The following PRKAR2A variants were observed in gnomAD, a reference collection of about 807,000 sequenced individuals.
PRKAR2A encodes cAMP-dependent protein kinase type II-alpha regulatory subunit.
In PRKAR2A, 29 loss-of-function variants were observed where a neutral mutation model predicts 51.9. The ratio of observed to expected loss-of-function variants is 0.56; its 90% CI spans 0.42 to 0.76. The LOEUF is 0.76. Among genes scored for constraint, PRKAR2A ranks in the 30% least tolerant of loss-of-function variants. The pLI, the probability that PRKAR2A is intolerant of heterozygous loss-of-function variation, is 0.00. For missense variants in PRKAR2A, 445 were observed against 512.1 expected, an observed-to-expected ratio of 0.87 and a Z score of 1.26; for synonymous variants, 178 against 186.2, an observed-to-expected ratio of 0.96 and a Z score of 0.36.
chr3:48,800,003 G>A (rs1015150215), intron 2 of PRKAR2A, among the ~76,000 whole-genome samples: 3 of 151,772 alleles, frequency 2.0e-5, no homozygotes. Context: ...GGGATTACAG[G>A]CACCTGCCAC....
At position 48,751,174 on chromosome 3, in the gene PRKAR2A, G is replaced by C; in HGVS notation, c.*411C>G. ...ACATTTCCTCCTTTGAGAACCATTAGAGAGTGTCTACAGTTATACAACAGG... is the reference window on the plus strand; with the variant it reads ...ACATTTCCTCCTTTGAGAACCATTACAGAGTGTCTACAGTTATACAACAGG... On this transcript the variant is annotated 3_prime_UTR_variant, in exon 11 of 11. Coordinates refer to ENST00000265563, the MANE Select transcript of PRKAR2A (RefSeq NM_004157.4). 2 of 386,290 alleles carry C rather than the reference G, an allele frequency of 5.2e-6. No individual in the cohort carries two copies. Among genetic ancestry groups the C allele is most frequent in the South Asian group, 4.0e-5 (2 of 50,514 alleles). The allele number at this position is 386,290 out of a possible 1,614,324, so 23.9% of individuals were successfully genotyped here.
intron 5 of PRKAR2A, among the ~76,000 whole-genome samples, chr3:48,781,848 G>T (rs1030978859): frequency 6.6e-6 from 1 of 151,944 alleles, no homozygotes; most frequent in African/African-American, 2.4e-5. Context: ...GTTTCACCAC[G>T]TTGGCCAGGC....
rs746734245 is a variant in PRKAR2A, at chr3:48,782,981, C to T, written c.542+5G>A. 7 of 1,583,642 alleles carry T rather than the reference C, an allele frequency of 4.4e-6. No homozygotes were observed. The highest frequency in any genetic ancestry group is 6.1e-6 in the Non-Finnish European group (7 of 1,152,538). On this transcript the variant is annotated splice_donor_5th_base_variant and intron_variant, in intron 5 of 10. Coordinates refer to ENST00000265563, the MANE Select transcript of PRKAR2A (RefSeq NM_004157.4). ...GCCACACAATTTCAAAGCTCCATCTCCTACCGTTCTATGACATAAAAGTTG... is the reference window on the plus strand; with the variant it reads ...GCCACACAATTTCAAAGCTCCATCTTCTACCGTTCTATGACATAAAAGTTG...
chr3:48,759,034 G>C (rs1559602665), intron 8 of PRKAR2A, among the ~76,000 whole-genome samples: 1 of 152,132 alleles, frequency 6.6e-6, no homozygotes, highest in Non-Finnish European at 1.5e-5. Context: ...TTACTGATTT[G>C]GTAATACTTC....
intron 2 of PRKAR2A, 80 bp downstream of exon 2, chr3:48,807,569 T>A (rs1220705031): frequency 1.7e-6 from 2 of 1,155,808 alleles, no homozygotes; most frequent in Non-Finnish European, 2.5e-6. Flanking sequence ...CTTATCTTTT[T>A]ATTCAAAATA....
At chr3:48,766,581 A>G (rs566516331) in intron 6 of PRKAR2A, among the ~76,000 whole-genome samples, 1 of 151,970 alleles carries the variant, frequency 6.6e-6, no homozygotes, top group South Asian at 2.1e-4. Context: ...AAAAAATAAA[A>G]TAAAAATAAA....
chr3:48,806,535 G>T (rs2082677867), intron 2 of PRKAR2A, among the ~76,000 whole-genome samples: 2 of 151,692 alleles, frequency 1.3e-5, no homozygotes, highest in Admixed American at 1.3e-4. Context: ...GAGTGCCTAT[G>T]TGTCCAGCAG....
At chr3:48,799,528 T>G (rs1224914727) in intron 2 of PRKAR2A, among the ~76,000 whole-genome samples, 1 of 152,232 alleles carries the variant, frequency 6.6e-6, no homozygotes, top group East Asian at 1.9e-4. Context: ...TTAGTAATAT[T>G]TCAGCTGAAG....
intron 2 of PRKAR2A, among the ~76,000 whole-genome samples, chr3:48,797,832 G>A (rs892125622): frequency 1.4e-4 from 22 of 152,280 alleles, no homozygotes; most frequent in Middle Eastern, 3.4e-3. Context: ...ATGGGATATA[G>A]GTAATGACTC....
chr3:48,764,920 C>T (rs979900977), intron 8 of PRKAR2A, 84 bp downstream of exon 8: 29 of 1,280,140 alleles, frequency 2.3e-5, no homozygotes, highest in African/African-American at 5.9e-5. Context: ...CCACTGCGTC[C>T]GGCAAGAAGT....
At chr3:48,777,520 C>T (rs1183759851) in intron 5 of PRKAR2A, among the ~76,000 whole-genome samples, 1 of 152,168 alleles carries the variant, frequency 6.6e-6, no homozygotes. Flanking sequence ...ATTCTCCTGC[C>T]TCAGCTTCCC....
At chr3:48,753,015 C>T (rs1310037846) in intron 9 of PRKAR2A, among the ~76,000 whole-genome samples, 3 of 133,804 alleles carry the variant, frequency 2.2e-5, no homozygotes, top group Non-Finnish European at 4.6e-5. Context: ...TCACTTCAAG[C>T]TCTGCCTCCC....
intron 4 of PRKAR2A, among the ~76,000 whole-genome samples, chr3:48,786,604 T>A (rs1293144120): frequency 4.0e-5 from 6 of 149,668 alleles, no homozygotes; most frequent in African/African-American, 1.5e-4. Context: ...GAGACCATCC[T>A]GGCGAACATG....
chr3:48,809,865 G>T (rs977039764), intron 1 of PRKAR2A, among the ~76,000 whole-genome samples: 4 of 152,074 alleles, frequency 2.6e-5, no homozygotes, highest in African/African-American at 9.7e-5. Flanking sequence ...TCTAGTTGAA[G>T]TCACAGATCC....
rs756075947 is a variant in PRKAR2A, at chr3:48,790,588, G to C, written c.391C>G (p.Gln131Glu). 6.5e-7 allele frequency: 1 copy of C among 1,540,860 alleles called. No homozygotes were observed. The highest frequency in any genetic ancestry group is 8.7e-7 in the Non-Finnish European group (1 of 1,145,644). Residue 131 changes from glutamine to glutamate, a missense_variant, in exon 4 of 11, where the codon CAG becomes GAG. Physicochemically the swap from Gln to Glu is conservative, Grantham distance 29. Coordinates refer to ENST00000265563, the MANE Select transcript of PRKAR2A (RefSeq NM_004157.4). The stretch of plus-strand genomic sequence containing the variant: ...AGGAGAATATCTTTGCAAGCTTCCT[G>C]AAGTCTGCATCTCTGTTCATCAGTT... ...PKTDEQRCRL[Q>E]EACKDILLFK...
chr3:48,832,025 G>A (rs978587571), intron 1 of PRKAR2A, among the ~76,000 whole-genome samples: 9 of 152,036 alleles, frequency 5.9e-5, no homozygotes, highest in Admixed American at 1.3e-4. Flanking sequence ...CGGGTGGGGC[G>A]GCTCACGCCT....
chr3:48,798,221 G>A (rs2082527746), intron 2 of PRKAR2A, among the ~76,000 whole-genome samples: 1 of 152,110 alleles, frequency 6.6e-6, no homozygotes, highest in South Asian at 2.1e-4. Flanking sequence ...CCAAAGTGCT[G>A]GGATTACAAG....
At chr3:48,774,281 T>C (rs1271949502) in intron 5 of PRKAR2A, among the ~76,000 whole-genome samples, 1 of 152,168 alleles carries the variant, frequency 6.6e-6, no homozygotes, top group Non-Finnish European at 1.5e-5. Context: ...TATGTGTCAG[T>C]ATCATTTCAT....
intron 1 of PRKAR2A, among the ~76,000 whole-genome samples, chr3:48,813,186 A>G (rs2082805537): frequency 6.7e-6 from 1 of 150,310 alleles, no homozygotes; most frequent in South Asian, 2.1e-4. Context: ...GCTGAGACCA[A>G]GGGTTCGAGA....
Sources: allele counts gnomAD v4.1 joint callset (sites outside exome capture counted in the v4.1 genomes callset), GRCh38; gene constraint gnomAD v4.1.1; transcripts MANE v1.5; gene names NCBI Gene and HGNC (gene_info 2026-07-23, HGNC 2026-07-21).